Variants in GTF2A1L observed in about 807,000 individuals in gnomAD.
The protein encoded by GTF2A1L is general transcription factor IIA subunit 1 like, also known as TFIIA-alpha and beta-like factor.
In GTF2A1L, 48 loss-of-function variants were observed where a neutral mutation model predicts 49.7. The ratio of observed to expected loss-of-function variants is 0.97; its 90% CI spans 0.77 to 1.23. The LOEUF (loss-of-function observed/expected upper bound fraction) is 1.23. Among genes scored for constraint, GTF2A1L ranks in the 50% most tolerant of loss-of-function variants. The pLI is 0.00. For synonymous variants in GTF2A1L, 246 were observed against 193.5 expected (o/e 1.27, Z -2.25); for missense variants, 736 against 564.8 (o/e 1.30, Z -3.07).
At chr2:48,623,411 A>T (rs1278184590) in intron 3 of GTF2A1L, among the ~76,000 whole-genome samples, 2 of 152,198 alleles carry the variant, frequency 1.3e-5, no homozygotes, top group Admixed American at 6.5e-5. Flanking sequence ...GGCTATTATT[A>T]AAAAACTGAA....
At chr2:48,649,505 C>A (rs1329298545) in intron 6 of GTF2A1L, among the ~76,000 whole-genome samples, 1 of 152,130 alleles carries the variant, frequency 6.6e-6, no homozygotes, top group Non-Finnish European at 1.5e-5. Context: ...GTTTTGAATC[C>A]CTTCTCTATT....
chr2:48,635,401 C>T (rs1676830233), intron 3 of GTF2A1L, among the ~76,000 whole-genome samples: 1 of 152,060 alleles, frequency 6.6e-6, no homozygotes, highest in Non-Finnish European at 1.5e-5. Context: ...GGCTGCTGGT[C>T]ACGCAAGCAG....
chr2:48,679,499 T>C lies in GTF2A1L; in HGVS notation c.*57T>C. 6.3e-7 allele frequency: 1 copy of C among 1,593,252 alleles called. No individual in the cohort carries two copies. The highest frequency in any genetic ancestry group is 8.5e-7 in the Non-Finnish European group (1 of 1,173,458). ...ACATCAGTTGGATTATATTGCATAT[T>C]GTGAATTCATTTTTATTTTGAATAT... On this transcript the variant is annotated 3_prime_UTR_variant, in exon 9 of 9. Coordinates refer to ENST00000403751, the MANE Select transcript of GTF2A1L (RefSeq NM_006872.5).
At chr2:48,677,455 A>T (rs1270810652) in intron 8 of GTF2A1L, among the ~76,000 whole-genome samples, 1 of 151,924 alleles carries the variant, frequency 6.6e-6, no homozygotes, top group Non-Finnish European at 1.5e-5. Flanking sequence ...AAAAGTCCTG[A>T]GGTAGGAGTA....
chr2:48,638,400 T>C (rs1677021358), intron 3 of GTF2A1L, among the ~76,000 whole-genome samples: 1 of 152,190 alleles, frequency 6.6e-6, no homozygotes. Flanking sequence ...GCTTTATCAC[T>C]GCAATGCAAA....
In GTF2A1L at chr2:48,679,342, G is replaced by A. The variant is rs749369283; in HGVS notation, c.1337G>A (p.Arg446Gln). ...VIVCQYDKIH[R>Q]SKNKWKFYLK... Reference sequence around the variant, plus strand: ...CTACTTTTCTCCCTCCAGATTCATCGAAGCAAGAACAAATGGAAATTCTAT... The same window carrying A: ...CTACTTTTCTCCCTCCAGATTCATCAAAGCAAGAACAAATGGAAATTCTAT... The change falls in exon 9 of 9, where the codon CGA becomes CAA. Residue 446 changes from arginine (R) to glutamine (Q), a missense_variant. By Grantham distance (43) the Arg-to-Gln change is conservative (BLOSUM62 1). Coordinates refer to ENST00000403751, the MANE Select transcript of GTF2A1L (RefSeq NM_006872.5). 11 of 1,607,978 alleles carry A rather than the reference G, an allele frequency of 6.8e-6. No homozygotes were observed. The highest frequency in any genetic ancestry group is 1.7e-5 in the Admixed American group (1 of 59,024).
intron 3 of GTF2A1L, among the ~76,000 whole-genome samples, chr2:48,630,245 A>T (rs1445471694): frequency 6.9e-6 from 1 of 143,962 alleles, no homozygotes; most frequent in African/African-American, 2.5e-5. Context: ...CTTGTATTCC[A>T]TGAGCTTGGA....
intron 6 of GTF2A1L, among the ~76,000 whole-genome samples, chr2:48,653,577 T>C (rs765344930): frequency 6.6e-6 from 1 of 152,248 alleles, no homozygotes; most frequent in Non-Finnish European, 1.5e-5. Flanking sequence ...GTATATTCCA[T>C]TGTATGGTTA....
chr2:48,618,712 A>G (rs546933906), intron 1 of GTF2A1L, among the ~76,000 whole-genome samples: 2 of 152,380 alleles, frequency 1.3e-5, no homozygotes, highest in African/African-American at 4.8e-5. Flanking sequence ...CTGCCTGAAT[A>G]TAAGGTTACT....
At chr2:48,629,212 G>T (rs573297458) in intron 3 of GTF2A1L, among the ~76,000 whole-genome samples, 1 of 142,412 alleles carries the variant, frequency 7.0e-6, no homozygotes, top group African/African-American at 2.5e-5. Context: ...CCGCACTCTA[G>T]CCTGGGCAAC....
In GTF2A1L at chr2:48,644,888, C is replaced by G. The variant is rs1043462153; in HGVS notation, c.304-145C>G. On this transcript the variant is annotated intron_variant, in intron 4 of 8. Coordinates refer to ENST00000403751, the MANE Select transcript of GTF2A1L (RefSeq NM_006872.5). Reference sequence around the variant, plus strand: ...GATCGATATTGAAAACTATTTTATTCAAAGAACTCAGCCCTAATATTAAAT... The same window carrying G: ...GATCGATATTGAAAACTATTTTATTGAAAGAACTCAGCCCTAATATTAAAT... 2.8e-5 allele frequency: 18 copies of G among 640,586 alleles called. No homozygotes were observed. In the East Asian group the frequency reaches 5.4e-4, roughly 19 times the overall value. The allele number at this position is 640,586 out of a possible 1,614,324, so 39.7% of individuals were successfully genotyped here.
At chr2:48,635,337 G>T (rs1419883373) in intron 3 of GTF2A1L, among the ~76,000 whole-genome samples, 2 of 152,204 alleles carry the variant, frequency 1.3e-5, no homozygotes, top group African/African-American at 4.8e-5. Context: ...TGGGCATGGA[G>T]TGGAGATGAC....
chr2:48,619,329 G>C (rs1675842283), intron 1 of GTF2A1L, among the ~76,000 whole-genome samples: 1 of 151,952 alleles, frequency 6.6e-6, no homozygotes, highest in Non-Finnish European at 1.5e-5. Flanking sequence ...AATTAGCCAG[G>C]TGAGGTCGTG....
chr2:48,657,791 T>C (rs540651036), intron 6 of GTF2A1L, among the ~76,000 whole-genome samples: 4 of 151,930 alleles, frequency 2.6e-5, no homozygotes, highest in East Asian at 1.9e-4. Flanking sequence ...TTTAATAATA[T>C]CCATTCTGAC....
chr2:48,652,918 A>G (rs1449344544), intron 6 of GTF2A1L, among the ~76,000 whole-genome samples: 1 of 151,512 alleles, frequency 6.6e-6, no homozygotes, highest in South Asian at 2.1e-4. Context: ...CTGGACTCGA[A>G]CTAATTGACT....
intron 3 of GTF2A1L, among the ~76,000 whole-genome samples, chr2:48,640,643 C>T (rs1280164292): frequency 2.6e-5 from 4 of 152,128 alleles, no homozygotes; most frequent in Non-Finnish European, 5.9e-5. Context: ...ATCTGTGACA[C>T]GAGTTTACCT....
intron 5 of GTF2A1L, among the ~76,000 whole-genome samples, chr2:48,645,349 T>C (rs1677436083): frequency 6.6e-6 from 1 of 152,204 alleles, no homozygotes; most frequent in South Asian, 2.1e-4. Flanking sequence ...TTTCCCAACA[T>C]TGTATAGGGG....
chr2:48,679,339 A>C lies in GTF2A1L; in HGVS notation c.1334A>C (p.His445Pro). 4 of 1,608,500 alleles carry C rather than the reference A, an allele frequency of 2.5e-6. No homozygotes were observed. The highest frequency in any genetic ancestry group is 2.5e-6 in the Non-Finnish European group (3 of 1,178,132). Residue 445 changes from histidine to proline, a missense_variant, in exon 9 of 9, where the codon CAT becomes CCT. Coordinates refer to ENST00000403751, the MANE Select transcript of GTF2A1L (RefSeq NM_006872.5). ...NVIVCQYDKI[H>P]RSKNKWKFYL... ...AAACTACTTTTCTCCCTCCAGATTC[A>C]TCGAAGCAAGAACAAATGGAAATTC...
chr2:48,646,387 TTG>T, intron 5 of GTF2A1L, 64 bp from the exon 6 acceptor site: 6 of 1,345,912 alleles, frequency 4.5e-6, no homozygotes, highest in East Asian at 2.7e-5. Flanking sequence ...TTTTTTTTTT[TTG>T]TGGTGGTTGT....
Sources: gnomAD v4.1 joint callset for allele counts (sites outside exome capture counted in the v4.1 genomes callset) on GRCh38, gnomAD v4.1.1 for gene constraint, MANE v1.5 for transcripts, NCBI Gene and HGNC (gene_info 2026-07-23, HGNC 2026-07-21) for gene names.